MEIS1: variants seen among roughly 807,000 people sequenced by gnomAD.
MEIS1 encodes Meis homeobox 1.
Under a neutral mutation model 50.8 loss-of-function variants are expected in MEIS1, and 5 were observed. The observed-to-expected ratio is 0.10, with a 90% CI of 0.05 to 0.21. MEIS1 has a LOEUF of 0.21. MEIS1 is among the 10% of genes least tolerant of loss of function. The probability of loss-of-function intolerance (pLI) is 1.00; values close to 1 mark genes in which losing one functional copy is unlikely to be tolerated. For missense variants in MEIS1, 318 were observed against 517.3 expected (o/e 0.61, Z 3.74); for synonymous variants, 176 against 179.3 (o/e 0.98, Z 0.15).
intron 7 of MEIS1, among the ~76,000 whole-genome samples, chr2:66,498,306 T>C (rs1446102735): frequency 6.6e-6 from 1 of 152,188 alleles, no homozygotes; most frequent in African/African-American, 2.4e-5. Flanking sequence ...GTGTAAGTAC[T>C]ATTACTAGGT....
chr2:66,524,501 G>A (rs1299212568), intron 8 of MEIS1, among the ~76,000 whole-genome samples: 2 of 152,026 alleles, frequency 1.3e-5, no homozygotes, highest in Non-Finnish European at 2.9e-5. Context: ...TTAGGCTGCA[G>A]TGAGCCAAGA....
intron 6 of MEIS1, among the ~76,000 whole-genome samples, chr2:66,455,768 G>C (rs1266969412): frequency 6.6e-6 from 1 of 152,172 alleles, no homozygotes; most frequent in Non-Finnish European, 1.5e-5. Context: ...AAATCTTTAA[G>C]GGATAGCAGA....
chr2:66,554,470 G>T (rs975141997), intron 9 of MEIS1, among the ~76,000 whole-genome samples: 1 of 152,178 alleles, frequency 6.6e-6, no homozygotes, highest in African/African-American at 2.4e-5. Context: ...GCTTGGCTAC[G>T]CCTCATCCAT....
chr2:66,460,414 A>G (rs1333520878), intron 6 of MEIS1, among the ~76,000 whole-genome samples: 1 of 152,208 alleles, frequency 6.6e-6, no homozygotes, highest in East Asian at 1.9e-4. Context: ...AAGTGTTCTT[A>G]AGAAACGATA....
rs1050328125 is a variant in MEIS1 at position 66,467,965 on chromosome 2, T to C, written c.742+3745T>C. ...TCAAAGTACTTCCAAAGATACCAGA[T>C]TGAATCCTTATTTTATCCCTGGCAA... On this transcript the variant is annotated intron_variant, in intron 7 of 12. Coordinates refer to ENST00000272369, the MANE Select transcript of MEIS1 (RefSeq NM_002398.3). Among the ~76,000 whole-genome samples, 11 of 152,236 alleles carry C rather than the reference T, an allele frequency of 7.2e-5. No individual in the cohort carries two copies. In the East Asian group the frequency reaches 1.5e-3, roughly 21 times the overall value.
intron 7 of MEIS1, among the ~76,000 whole-genome samples, chr2:66,473,775 T>G (rs977405291): frequency 6.6e-5 from 10 of 152,132 alleles, no homozygotes; most frequent in African/African-American, 2.2e-4. Context: ...ACTTCTAAAC[T>G]TAAGTGTCAG....
rs890242682 is a variant in MEIS1, at chr2:66,446,544, A to G, written c.630+3496A>G. ...TCCCATAAGCAGCGGGAGGCAGAGAAATGGTCCCTTTGGATTACAGTTTTT... is the reference window on the plus strand; with the variant it reads ...TCCCATAAGCAGCGGGAGGCAGAGAGATGGTCCCTTTGGATTACAGTTTTT... On this transcript the variant is annotated intron_variant, in intron 6 of 12. Coordinates refer to ENST00000272369, the MANE Select transcript of MEIS1 (RefSeq NM_002398.3). Among the ~76,000 whole-genome samples the G allele has an allele frequency of 2.2e-4, 33 of 152,210 alleles. 1 individual carries two copies. Among genetic ancestry groups the G allele is most frequent in the African/African-American group, 7.0e-4 (29 of 41,544 alleles).
At chr2:66,506,586 A>G (rs1415574737) in intron 7 of MEIS1, among the ~76,000 whole-genome samples, 2 of 152,190 alleles carry the variant, frequency 1.3e-5, no homozygotes, top group Non-Finnish European at 2.9e-5. Flanking sequence ...TCTGAAGGCA[A>G]AGGGTAGCCA....
At chr2:66,483,775 G>A (rs1275367176) in intron 7 of MEIS1, among the ~76,000 whole-genome samples, 2 of 152,178 alleles carry the variant, frequency 1.3e-5, no homozygotes, top group South Asian at 2.1e-4. Flanking sequence ...AAGATTACAG[G>A]TTGAATGGCA....
At chr2:66,476,048 C>A (rs995461410) in intron 7 of MEIS1, among the ~76,000 whole-genome samples, 2 of 152,162 alleles carry the variant, frequency 1.3e-5, no homozygotes, top group African/African-American at 4.8e-5. Flanking sequence ...CTCCCTCCAT[C>A]TGAAGTCAGG....
At chr2:66,539,209 T>C (rs568720692) in intron 8 of MEIS1, among the ~76,000 whole-genome samples, 2 of 152,300 alleles carry the variant, frequency 1.3e-5, no homozygotes, top group African/African-American at 4.8e-5. Context: ...GTATATAAGC[T>C]ACTATCATTC....
intron 5 of MEIS1, 23 bp downstream of exon 5, chr2:66,441,487 CT>C: frequency 6.5e-7 from 1 of 1,526,924 alleles, no homozygotes; most frequent in Non-Finnish European, 8.8e-7. Flanking sequence ...GCCTCTTTTC[CT>C]TTTACTTACC....
chr2:66,439,712 A>T lies in MEIS1; in HGVS notation c.240-131A>T. 1.9e-6 allele frequency: 3 copies of T among 1,556,716 alleles called. No homozygotes were observed. In the South Asian group the frequency reaches 3.5e-5, roughly 18 times the overall value. ...GGTCTGGGGGAGGGGGAGGAAAAGG[A>T]AAAAAGTAGATGACACAATCGGAGA... is the stretch of plus-strand genomic sequence containing the variant. On this transcript the variant is annotated intron_variant, in intron 2 of 12. Coordinates refer to ENST00000272369, the MANE Select transcript of MEIS1 (RefSeq NM_002398.3).
intron 9 of MEIS1, among the ~76,000 whole-genome samples, chr2:66,553,285 G>A (rs1450094282): frequency 2.6e-5 from 4 of 152,016 alleles, no homozygotes; most frequent in Admixed American, 6.5e-5. Context: ...TAACAGGTGC[G>A]GTATATTAAA....
chr2:66,445,509 T>C (rs1382011658), intron 6 of MEIS1, among the ~76,000 whole-genome samples: 1 of 152,198 alleles, frequency 6.6e-6, no homozygotes, highest in Non-Finnish European at 1.5e-5. Flanking sequence ...GCAGGAAGGA[T>C]GGCCTCTCCA....
At chr2:66,440,750 G>A in intron 4 of MEIS1, 138 bp downstream of exon 4, 1 of 620,064 alleles carries the variant, frequency 1.6e-6, no homozygotes, top group Non-Finnish European at 2.9e-6. Flanking sequence ...AAATGTTTCT[G>A]TACACGGACA....
chr2:66,509,302 TC>T (rs1183991620), intron 7 of MEIS1, among the ~76,000 whole-genome samples: 2 of 152,216 alleles, frequency 1.3e-5, no homozygotes, highest in African/African-American at 4.8e-5. Context: ...CTAACTTGTG[TC>T]GGAAAGGAGC....
chr2:66,529,841 G>C (rs1352065136), intron 8 of MEIS1, among the ~76,000 whole-genome samples: 1 of 152,126 alleles, frequency 6.6e-6, no homozygotes, highest in Admixed American at 6.5e-5. Context: ...ATTGAATTCA[G>C]CTATCTTTCC....
At chr2:66,524,642 T>C (rs1674205252) in intron 8 of MEIS1, among the ~76,000 whole-genome samples, 1 of 152,156 alleles carries the variant, frequency 6.6e-6, no homozygotes. Flanking sequence ...CATTGCTAAG[T>C]TGGTATGATG....
Sources: gnomAD v4.1 joint callset for allele counts (sites outside exome capture counted in the v4.1 genomes callset) on GRCh38, gnomAD v4.1.1 for gene constraint, MANE v1.5 for transcripts, NCBI Gene and HGNC (gene_info 2026-07-23, HGNC 2026-07-21) for gene names.